The following ESCO1 variants were observed in gnomAD, a reference collection of about 807,000 sequenced individuals.
ESCO1 encodes the protein N-acetyltransferase ESCO1.
A neutral mutation model predicts 83.5 loss-of-function variants in ESCO1; 33 were observed. The ratio of observed to expected loss-of-function variants is 0.40; its 90% CI spans 0.30 to 0.53. ESCO1 has a LOEUF of 0.53. ESCO1 is among the 20% of genes least tolerant of loss of function. ESCO1 has a pLI of 0.63. For missense variants in ESCO1, 855 were observed against 968.0 expected (o/e 0.88, Z 1.55); for synonymous variants, 332 against 324.3 (o/e 1.02, Z -0.25).
intron 5 of ESCO1, among the ~76,000 whole-genome samples, chr18:21,567,526 A>T (rs1187343462): frequency 6.6e-6 from 1 of 152,170 alleles, no homozygotes; most frequent in African/African-American, 2.4e-5. Flanking sequence ...GCTTTTGGAC[A>T]ATTTGCAAAG....
chr18:21,568,854 G>T (rs972004601), intron 4 of ESCO1, among the ~76,000 whole-genome samples: 2 of 149,022 alleles, frequency 1.3e-5, no homozygotes, highest in Non-Finnish European at 3.0e-5. Context: ...AGTGAGCCAG[G>T]ATAGTGCCAC....
chr18:21,558,502 G>A (rs973993332), intron 8 of ESCO1, among the ~76,000 whole-genome samples: 2 of 152,066 alleles, frequency 1.3e-5, no homozygotes, highest in Non-Finnish European at 1.5e-5. Flanking sequence ...GCCAAGGTGG[G>A]TGGATCACCT....
chr18:21,576,998 A>G (rs1598472685), intron 2 of ESCO1, among the ~76,000 whole-genome samples: 1 of 151,098 alleles, frequency 6.6e-6, no homozygotes, highest in African/African-American at 2.4e-5. Flanking sequence ...GTGCCACTGC[A>G]CTCCAGCCTA....
At chr18:21,545,483 G>A (rs2037961713) in intron 8 of ESCO1, among the ~76,000 whole-genome samples, 1 of 150,542 alleles carries the variant, frequency 6.6e-6, no homozygotes, top group Non-Finnish European at 1.5e-5. Context: ...TGAGGCAGGA[G>A]AATCCCCTGA....
chr18:21,556,712 T>C (rs571444167), intron 8 of ESCO1, among the ~76,000 whole-genome samples: 21 of 152,142 alleles, frequency 1.4e-4, no homozygotes, highest in African/African-American at 2.6e-4. Context: ...TTTTTTTTTT[T>C]CCCCTTGAGA....
chr18:21,570,151 G>A (rs2038320397), intron 4 of ESCO1, among the ~76,000 whole-genome samples: 1 of 152,176 alleles, frequency 6.6e-6, no homozygotes, highest in African/African-American at 2.4e-5. Flanking sequence ...AGGCTGGAAT[G>A]CAGTGAAATG....
intron 1 of ESCO1, among the ~76,000 whole-genome samples, chr18:21,585,632 C>CT (rs1218301403): frequency 6.6e-6 from 1 of 151,776 alleles, no homozygotes; most frequent in African/African-American, 2.4e-5. Flanking sequence ...TACTCTTTTT[C>CT]TTTTTTTTAG....
chr18:21,575,642 A>C (rs1039751142), intron 3 of ESCO1, 30 bp downstream of exon 3: 7 of 398,272 alleles, frequency 1.8e-5, no homozygotes, highest in African/African-American at 1.2e-4. Flanking sequence ...GAATAGTTGA[A>C]AATCAGTGTA....
At chr18:21,562,002 C>T (rs997211389) in intron 7 of ESCO1, among the ~76,000 whole-genome samples, 4 of 152,074 alleles carry the variant, frequency 2.6e-5, no homozygotes, top group East Asian at 1.9e-4. Context: ...CCTCAGCCTC[C>T]TGAGTAGACG....
intron 5 of ESCO1, among the ~76,000 whole-genome samples, chr18:21,566,915 G>A (rs981946784): frequency 5.8e-4 from 88 of 151,022 alleles, no homozygotes; most frequent in African/African-American, 2.1e-3. Context: ...AAGGCAATAA[G>A]CAATTCATTT....
At chr18:21,572,241 T>C (rs2038350758) in intron 4 of ESCO1, among the ~76,000 whole-genome samples, 1 of 152,212 alleles carries the variant, frequency 6.6e-6, no homozygotes, top group Non-Finnish European at 1.5e-5. Flanking sequence ...CCAAGTTTTC[T>C]TATTATAAAA....
At chr18:21,569,682 T>C (rs1272697749) in intron 4 of ESCO1, among the ~76,000 whole-genome samples, 2 of 151,986 alleles carry the variant, frequency 1.3e-5, no homozygotes, top group Non-Finnish European at 2.9e-5. Context: ...GAGGCAGAGG[T>C]TGCAGTGATC....
chr18:21,530,525 G>A (rs1370729147), intron 11 of ESCO1, 35 bp from the exon 12 acceptor site: 4 of 1,364,470 alleles, frequency 2.9e-6, no homozygotes, highest in Admixed American at 5.1e-5. Context: ...GAAGGGTTAA[G>A]TGTGAAATGT....
At chr18:21,553,094 A>G (rs2038064957) in intron 8 of ESCO1, among the ~76,000 whole-genome samples, 1 of 152,170 alleles carries the variant, frequency 6.6e-6, no homozygotes, top group Non-Finnish European at 1.5e-5. Context: ...GTTTGTGACC[A>G]AGCTGGGCAA....
intron 4 of ESCO1, among the ~76,000 whole-genome samples, chr18:21,569,495 C>T (rs2038311320): frequency 6.6e-6 from 1 of 152,212 alleles, no homozygotes; most frequent in African/African-American, 2.4e-5. Context: ...CCTGTAATCC[C>T]AGCACTTTGG....
chr18:21,589,832 CTTT>C (rs1204793309), intron 1 of ESCO1, among the ~76,000 whole-genome samples: 1 of 126,616 alleles, frequency 7.9e-6, no homozygotes, highest in Non-Finnish European at 1.9e-5. Context: ...GCAAGTCCGT[CTTT>C]TTTTTCCTCT....
At chr18:21,566,331 G>T in intron 5 of ESCO1, 125 bp from the exon 6 acceptor site, 2 of 809,528 alleles carry the variant, frequency 2.5e-6, no homozygotes, top group South Asian at 1.9e-5. Context: ...TTTTAATAAA[G>T]ACCATCTGAT....
Position 21,540,990 on chromosome 18 carries a change from T to C in ESCO1, c.1954-981A>G, listed in dbSNP as rs536467608. 3.3e-5 allele frequency among the ~76,000 whole-genome samples: 5 copies of C among 152,246 alleles called. No homozygotes were observed. The South Asian group carries it at 1.0e-3, about 32-fold the overall frequency. ...CAACTAGATTTCTTTAAAAATATAC[T>C]ATGGCAAGTGTGAAAGCAGATTCGT... On this transcript the variant is annotated intron_variant, in intron 8 of 11. Coordinates refer to ENST00000269214, the MANE Select transcript of ESCO1 (RefSeq NM_052911.3).
chr18:21,592,000 T>C (rs1364235463), intron 1 of ESCO1, among the ~76,000 whole-genome samples: 1 of 151,644 alleles, frequency 6.6e-6, no homozygotes, highest in African/African-American at 2.4e-5. Flanking sequence ...AGGTCACAGA[T>C]CAACAGGATC....
Sources: allele counts gnomAD v4.1 joint callset (sites outside exome capture counted in the v4.1 genomes callset), GRCh38; gene constraint gnomAD v4.1.1; transcripts MANE v1.5; gene names NCBI Gene and HGNC (gene_info 2026-07-23, HGNC 2026-07-21).